The following NKAIN3 variants were observed in gnomAD, a reference collection of about 807,000 sequenced individuals.
NKAIN3 encodes the protein sodium/potassium transporting ATPase interacting 3, also known as sodium/potassium-transporting ATPase subunit beta-1-interacting protein 3.
Under a neutral mutation model 30.2 loss-of-function variants are expected in NKAIN3, and 25 were observed. The ratio of observed to expected loss-of-function variants is 0.83; its 90% CI spans 0.60 to 1.16. The LOEUF is 1.16. Among genes scored for constraint, NKAIN3 ranks in the 50% most tolerant of loss-of-function variants. NKAIN3 has a pLI of 0.00. For missense variants in NKAIN3, 225 were observed against 254.1 expected, an observed-to-expected ratio of 0.89 and a Z score of 0.78; for synonymous variants, 91 against 89.6, an observed-to-expected ratio of 1.02 and a Z score of -0.09.
At chr8:62,526,669 A>G (rs188449779) in intron 1 of NKAIN3, among the ~76,000 whole-genome samples, 450 of 152,218 alleles carry the variant, frequency 3.0e-3, no homozygotes, top group African/African-American at 9.3e-3. Context: ...CTGTGTAAAT[A>G]CAGAATTACA....
chr8:62,275,201 C>T (rs1190453183), intron 1 of NKAIN3, among the ~76,000 whole-genome samples: 1 of 152,064 alleles, frequency 6.6e-6, no homozygotes, highest in Non-Finnish European at 1.5e-5. Context: ...AACTAGTTTA[C>T]AGTCCCACCA....
intron 1 of NKAIN3, among the ~76,000 whole-genome samples, chr8:62,576,821 A>T (rs977738912): frequency 6.6e-6 from 1 of 152,114 alleles, no homozygotes. Context: ...TCTAAAGAAC[A>T]TTCATCCATT....
chr8:62,376,730 T>TA (rs1208997515), intron 1 of NKAIN3, among the ~76,000 whole-genome samples: 2 of 152,174 alleles, frequency 1.3e-5, no homozygotes, highest in South Asian at 4.1e-4. Context: ...TCATGGGGAT[T>TA]AAAAATGCAA....
At position 62,840,822 on chromosome 8, in the gene NKAIN3, A is replaced by G. The variant is rs540042593; in HGVS notation, c.472-77631A>G. Among the ~76,000 whole-genome samples, 44 of 152,294 alleles carry G rather than the reference A, an allele frequency of 2.9e-4. No homozygotes were observed. In the South Asian group the frequency reaches 8.1e-3, roughly 28 times the overall value. ...ATTGAATATATGGCCTACTGAGAAC[A>G]TCTGAGAAAGAGTCATCAAACCATG... On this transcript the variant is annotated intron_variant, in intron 4 of 6. Transcript: ENST00000623646.
At chr8:62,475,378 T>C (rs1806485632) in intron 1 of NKAIN3, among the ~76,000 whole-genome samples, 1 of 152,196 alleles carries the variant, frequency 6.6e-6, no homozygotes, top group Non-Finnish European at 1.5e-5. Flanking sequence ...CCAGCCCTGC[T>C]CTTCGTGGGC....
intron 1 of NKAIN3, among the ~76,000 whole-genome samples, chr8:62,553,616 C>T (rs1585938756): frequency 6.6e-6 from 1 of 151,602 alleles, no homozygotes; most frequent in Non-Finnish European, 1.5e-5. Context: ...GGCTCACTGC[C>T]ACCTCTGCCT....
intron 1 of NKAIN3, among the ~76,000 whole-genome samples, chr8:62,476,948 A>G (rs1806539100): frequency 6.6e-6 from 1 of 152,178 alleles, no homozygotes; most frequent in African/African-American, 2.4e-5. Context: ...AAAGGCAAGG[A>G]AGAATGCTGT....
intron 1 of NKAIN3, among the ~76,000 whole-genome samples, chr8:62,449,834 C>T (rs1805589107): frequency 1.3e-5 from 2 of 152,200 alleles, no homozygotes; most frequent in South Asian, 4.1e-4. Context: ...AGGAAAGCTA[C>T]CACATATGGT....
At chr8:62,393,653 A>G (rs1817641740) in intron 1 of NKAIN3, among the ~76,000 whole-genome samples, 1 of 151,994 alleles carries the variant, frequency 6.6e-6, no homozygotes, top group African/African-American at 2.4e-5. Flanking sequence ...TAGGATTTTG[A>G]TTCTGAATGT....
intron 4 of NKAIN3, among the ~76,000 whole-genome samples, chr8:62,917,384 C>T (rs905806381): frequency 6.6e-6 from 1 of 152,188 alleles, no homozygotes; most frequent in Non-Finnish European, 1.5e-5. Flanking sequence ...CCATCAGCAC[C>T]CTGGCAGATT....
chr8:62,496,688 C>T (rs1474945465), intron 1 of NKAIN3, among the ~76,000 whole-genome samples: 1 of 151,990 alleles, frequency 6.6e-6, no homozygotes, highest in Non-Finnish European at 1.5e-5. Context: ...TCAATGGTGT[C>T]AGGGAATATG....
chr8:62,577,197 T>C (rs1810139278), intron 1 of NKAIN3, among the ~76,000 whole-genome samples: 1 of 152,234 alleles, frequency 6.6e-6, no homozygotes, highest in African/African-American at 2.4e-5. Context: ...TGCTCTTATT[T>C]CTTCCCACCT....
chr8:62,996,899 T>C (rs1008137528), intron 5 of NKAIN3, among the ~76,000 whole-genome samples: 1 of 152,178 alleles, frequency 6.6e-6, no homozygotes, highest in Non-Finnish European at 1.5e-5. Flanking sequence ...CTGCAGGGTA[T>C]GGCCTCTGCG....
At chr8:62,585,532 A>C (rs1810442384) in intron 2 of NKAIN3, among the ~76,000 whole-genome samples, 2 of 152,112 alleles carry the variant, frequency 1.3e-5, no homozygotes, top group South Asian at 4.1e-4. Context: ...AGGTTGGGCG[A>C]GTTGGTTTTG....
In NKAIN3 at chr8:62,958,049, G is replaced by GA. The variant is rs941843086; in HGVS notation, c.603+4085dup. On this transcript the variant is annotated intron_variant, in intron 6 of 6. Coordinates refer to ENST00000623646, the MANE Select transcript of NKAIN3 (RefSeq NM_001304533.3). Reference sequence around the variant, plus strand: ...TCTTAAAATATTAAGTCTTTAAGGGGAAAAAAAAGCAGCACAAGAAAACGG... The same window carrying GA: ...TCTTAAAATATTAAGTCTTTAAGGGGAAAAAAAAAGCAGCACAAGAAAACGG... 3.9e-5 allele frequency among the ~76,000 whole-genome samples: 6 copies of GA among 151,948 alleles called. No individual in the cohort carries two copies. In the South Asian group the frequency reaches 8.3e-4, roughly 21 times the overall value.
chr8:62,951,740 GGCATAA>G (rs1245870431), intron 5 of NKAIN3, among the ~76,000 whole-genome samples: 1 of 151,930 alleles, frequency 6.6e-6, no homozygotes, highest in African/African-American at 2.4e-5. Context: ...TGGAATTACA[GGCATAA>G]GCCACTGCAC....
chr8:62,781,745 C>T (rs565550107), intron 4 of NKAIN3, among the ~76,000 whole-genome samples: 9 of 151,972 alleles, frequency 5.9e-5, no homozygotes, highest in Admixed American at 3.9e-4. Flanking sequence ...GGATCCCTAT[C>T]TCTCACCATA....
At chr8:62,812,607 T>A (rs558388451) in intron 4 of NKAIN3, among the ~76,000 whole-genome samples, 3 of 150,840 alleles carry the variant, frequency 2.0e-5, no homozygotes, top group South Asian at 4.2e-4. Context: ...TCTAGGAGAG[T>A]TTTTTTTTAA....
chr8:62,442,976 T>C (rs1805373437), intron 1 of NKAIN3, among the ~76,000 whole-genome samples: 1 of 152,060 alleles, frequency 6.6e-6, no homozygotes, highest in Non-Finnish European at 1.5e-5. Context: ...TTGAAGTTTA[T>C]TGAGGCTTCC....
Sources: allele counts gnomAD v4.1 joint callset (sites outside exome capture counted in the v4.1 genomes callset), GRCh38; gene constraint gnomAD v4.1.1; transcripts MANE v1.5; gene names NCBI Gene and HGNC (gene_info 2026-07-23, HGNC 2026-07-21).